The following DPYD variants were observed in gnomAD, a reference collection of about 807,000 sequenced individuals.
The protein encoded by DPYD is dihydropyrimidine dehydrogenase [NADP(+)].
In DPYD, 109 loss-of-function variants were observed where a neutral mutation model predicts 116.2. That is an observed-to-expected ratio of 0.94 (90% CI 0.80 to 1.10). DPYD has a LOEUF of 1.10. DPYD is among the 50% of genes least tolerant of loss of function. The probability of loss-of-function intolerance (pLI) is 0.00; values close to 1 mark genes in which losing one functional copy is unlikely to be tolerated. For synonymous variants in DPYD, 440 were observed against 432.0 expected, an observed-to-expected ratio of 1.02 and a Z score of -0.23; for missense variants, 1,302 against 1,254.5, an observed-to-expected ratio of 1.04 and a Z score of -0.57.
chr1:97,542,049 AC>A (rs1273691129), intron 12 of DPYD, among the ~76,000 whole-genome samples: 1 of 152,210 alleles, frequency 6.6e-6, no homozygotes, highest in Non-Finnish European at 1.5e-5. Flanking sequence ...GCTTTTCTTC[AC>A]ATTAATACCA....
chr1:97,524,693 A>G (rs1648926316), intron 12 of DPYD, among the ~76,000 whole-genome samples: 1 of 152,074 alleles, frequency 6.6e-6, no homozygotes, highest in Non-Finnish European at 1.5e-5. Context: ...CTTTTTTTGA[A>G]AACAGTCTGT....
chr1:97,730,548 G>GA (rs1422030688), intron 4 of DPYD, among the ~76,000 whole-genome samples: 2 of 151,904 alleles, frequency 1.3e-5, no homozygotes, highest in Non-Finnish European at 2.9e-5. Context: ...TATTGAAAAT[G>GA]AAAATCTCTA....
chr1:97,223,744 AGAAAGAAGATACAG>A (rs1382230446), intron 19 of DPYD, among the ~76,000 whole-genome samples: 1 of 152,098 alleles, frequency 6.6e-6, no homozygotes, highest in Non-Finnish European at 1.5e-5. Context: ...CTTGAATACT[AGAAAGAAGATACAG>A]GACTCATTGG....
At chr1:97,689,214 C>T (rs1260863434) in intron 7 of DPYD, among the ~76,000 whole-genome samples, 1 of 150,672 alleles carries the variant, frequency 6.6e-6, no homozygotes, top group African/African-American at 2.4e-5. Context: ...GACTGATTGG[C>T]TAATAAGATA....
Position 97,106,673 on chromosome 1 carries a change from T to C in DPYD, c.2623-8041A>G, listed in dbSNP as rs565083663. Reference sequence around the variant, plus strand: ...GCAGATTCAGGCATAGAGTTAAGTATGCCATTGGCTCCCCCAGTTTTTAGG... The same window carrying C: ...GCAGATTCAGGCATAGAGTTAAGTACGCCATTGGCTCCCCCAGTTTTTAGG... On this transcript the variant is annotated intron_variant, in intron 20 of 22. Coordinates refer to ENST00000370192, the MANE Select transcript of DPYD (RefSeq NM_000110.4). 2.1e-4 allele frequency among the ~76,000 whole-genome samples: 32 copies of C among 152,198 alleles called. 1 individual carries two copies. The South Asian group carries it at 3.9e-3, about 19-fold the overall frequency.
chr1:97,878,241 TA>T (rs1484896429), intron 2 of DPYD, among the ~76,000 whole-genome samples: 1 of 151,928 alleles, frequency 6.6e-6, no homozygotes, highest in Non-Finnish European at 1.5e-5. Flanking sequence ...TTTTCTAGAT[TA>T]CTGAGTCTTT....
intron 8 of DPYD, among the ~76,000 whole-genome samples, chr1:97,620,200 T>G (rs115107427): frequency 6.6e-6 from 1 of 152,246 alleles, no homozygotes; most frequent in East Asian, 1.9e-4. Flanking sequence ...GGCATTTACA[T>G]TTTCTTTTTG....
intron 13 of DPYD, among the ~76,000 whole-genome samples, chr1:97,478,798 C>A (rs1394869259): frequency 6.6e-6 from 1 of 152,202 alleles, no homozygotes; most frequent in Non-Finnish European, 1.5e-5. Flanking sequence ...AATCTGTTAT[C>A]TAATGTAGTT....
intron 22 of DPYD, among the ~76,000 whole-genome samples, chr1:97,080,358 A>ATG (rs956324292): frequency 4.0e-5 from 6 of 151,828 alleles, no homozygotes; most frequent in South Asian, 4.1e-4. Context: ...TCAATTATAT[A>ATG]TGTGTGTATA....
intron 3 of DPYD, among the ~76,000 whole-genome samples, chr1:97,788,455 A>T (rs1667153914): frequency 6.6e-6 from 1 of 152,240 alleles, no homozygotes. Context: ...ATGAGAGACC[A>T]TCTTGGTCCT....
At chr1:97,421,986 G>A (rs1218994860) in intron 14 of DPYD, among the ~76,000 whole-genome samples, 2 of 152,094 alleles carry the variant, frequency 1.3e-5, no homozygotes, top group Non-Finnish European at 2.9e-5. Context: ...GGGGATTGGA[G>A]TTCTGTATTA....
In DPYD at chr1:97,486,601, C is replaced by T. The variant is rs564093445; in HGVS notation, c.1740+29125G>A. On this transcript the variant is annotated intron_variant, in intron 13 of 22. Transcript: ENST00000370192. Reference sequence around the variant, plus strand: ...AGATAGATCACTTTAATTTAGAATCCTTCAACTTTAATGATTCTGTAAATA... The same window carrying T: ...AGATAGATCACTTTAATTTAGAATCTTTCAACTTTAATGATTCTGTAAATA... 1.3e-4 allele frequency among the ~76,000 whole-genome samples: 20 copies of T among 152,084 alleles called. No individual in the cohort carries two copies. The East Asian group carries it at 3.5e-3, about 26-fold the overall frequency.
chr1:97,473,908 A>G (rs1431360014), intron 13 of DPYD, among the ~76,000 whole-genome samples: 3 of 151,200 alleles, frequency 2.0e-5, no homozygotes, highest in Non-Finnish European at 4.4e-5. Flanking sequence ...GCTACTTGGG[A>G]GGCTGAGGTG....
intron 12 of DPYD, chr1:97,545,786 T>C: frequency 6.4e-7 from 1 of 1,560,054 alleles, no homozygotes; most frequent in Non-Finnish European, 8.8e-7. Context: ...TGCATGAAGC[T>C]TTCTCAGATG....
chr1:97,224,683 C>T (rs950205745), intron 19 of DPYD, among the ~76,000 whole-genome samples: 2 of 151,796 alleles, frequency 1.3e-5, no homozygotes, highest in East Asian at 1.9e-4. Flanking sequence ...CATGCACCCA[C>T]ATATGATAAC....
intron 3 of DPYD, chr1:97,796,952 C>T (rs1557969051): frequency 6.6e-6 from 1 of 152,086 alleles, no homozygotes; most frequent in African/African-American, 2.4e-5. Context: ...CAGGGAAAAG[C>T]TTCTATCTAA....
chr1:97,088,057 C>T (rs1465481851), intron 21 of DPYD, among the ~76,000 whole-genome samples: 1 of 152,140 alleles, frequency 6.6e-6, no homozygotes, highest in African/African-American at 2.4e-5. Flanking sequence ...CATATAAGCA[C>T]CAAACACTGA....
intron 2 of DPYD, among the ~76,000 whole-genome samples, chr1:97,868,296 A>G (rs1271472458): frequency 6.6e-6 from 1 of 151,752 alleles, no homozygotes; most frequent in Non-Finnish European, 1.5e-5. Context: ...AAATGGGGCC[A>G]CAGTAGGCCA....
chr1:97,348,232 A>G (rs1669958122), intron 16 of DPYD, among the ~76,000 whole-genome samples: 1 of 152,184 alleles, frequency 6.6e-6, no homozygotes, highest in Non-Finnish European at 1.5e-5. Flanking sequence ...TTACTGTGCT[A>G]TATCTACAGT....
Sources: allele counts gnomAD v4.1 joint callset (sites outside exome capture counted in the v4.1 genomes callset), GRCh38; gene constraint gnomAD v4.1.1; transcripts MANE v1.5; gene names NCBI Gene and HGNC (gene_info 2026-07-23, HGNC 2026-07-21).